Variants in PHF24 observed in about 807,000 individuals in gnomAD.
PHF24 encodes the protein PHD finger protein 24, also known as Galpha inhibitory interacting protein.
A neutral mutation model predicts 42.6 loss-of-function variants in PHF24; 25 were observed. The ratio of observed to expected loss-of-function variants is 0.59; its 90% confidence interval spans 0.43 to 0.82. The LOEUF (loss-of-function observed/expected upper bound fraction) is 0.82. Among genes scored for constraint, PHF24 ranks in the 40% least tolerant of loss-of-function variants. PHF24 has a pLI of 0.00. For missense variants in PHF24, 470 were observed against 538.1 expected (o/e 0.87, Z 1.25); for synonymous variants, 185 against 204.8 (o/e 0.90, Z 0.83).
the PHF24 span, among the ~76,000 whole-genome samples, chr9:34,674,682 C>T: frequency 6.6e-6 from 1 of 152,252 alleles, no homozygotes; most frequent in Non-Finnish European, 1.5e-5. Flanking sequence ...GGAACATGAA[C>T]AGGGAGTGCC....
the PHF24 span, among the ~76,000 whole-genome samples, chr9:34,715,587 T>C: frequency 0.05 from 7,534 of 152,132 alleles, 358 homozygotes; most frequent in African/African-American, 0.12. Context: ...GATGTTGGCT[T>C]GGTGAGCTCC....
At chr9:34,847,746 A>G in the PHF24 span, among the ~76,000 whole-genome samples, 1 of 152,028 alleles carries the variant, frequency 6.6e-6, no homozygotes, top group Non-Finnish European at 1.5e-5. Flanking sequence ...TTTGTCATAG[A>G]TAGCTCTTAT....
chr9:34,790,413 C>T, the PHF24 span, among the ~76,000 whole-genome samples: 3 of 152,140 alleles, frequency 2.0e-5, no homozygotes, highest in African/African-American at 7.2e-5. Flanking sequence ...TTCTCTGGCT[C>T]TATTTGTTAG....
At chr9:34,809,385 G>A in the PHF24 span, among the ~76,000 whole-genome samples, 1 of 152,118 alleles carries the variant, frequency 6.6e-6, no homozygotes. The surrounding 1 kb of genome is among the most constrained non-coding windows in gnomAD (Gnocchi z 4.1). Context: ...TTCGAAGCAC[G>A]TGGTCTGGTG....
the PHF24 span, among the ~76,000 whole-genome samples, chr9:34,881,672 A>C: frequency 6.6e-6 from 1 of 152,204 alleles, no homozygotes; most frequent in Non-Finnish European, 1.5e-5. Context: ...AAGAAGTTGA[A>C]TCTCTGAATA....
the PHF24 span, among the ~76,000 whole-genome samples, chr9:34,878,719 G>A: frequency 6.6e-6 from 1 of 152,224 alleles, no homozygotes; most frequent in African/African-American, 2.4e-5. Context: ...CGGCTAGAAA[G>A]CTCGAAATGG....
At chr9:34,954,433 T>A (rs1197079533), upstream of PHF24, among the ~76,000 whole-genome samples, 1 of 152,208 alleles carries the variant, frequency 6.6e-6, no homozygotes, top group African/African-American at 2.4e-5. Context: ...GGCTTTGTCC[T>A]TGTGCACTGA....
chr9:34,811,039 G>A, the PHF24 span, among the ~76,000 whole-genome samples: 1 of 152,180 alleles, frequency 6.6e-6, no homozygotes, highest in Non-Finnish European at 1.5e-5. Context: ...TAGGGTTGTT[G>A]AGCACCAGTG....
the PHF24 span, among the ~76,000 whole-genome samples, chr9:34,790,907 G>A: frequency 6.6e-6 from 1 of 152,348 alleles, no homozygotes; most frequent in Admixed American, 6.5e-5. Flanking sequence ...TAGCAAGCAG[G>A]CCAGTGTGAC....
chr9:34,804,347 TATA>T, the PHF24 span, among the ~76,000 whole-genome samples: 1 of 152,136 alleles, frequency 6.6e-6, no homozygotes. Flanking sequence ...ACATATAATA[TATA>T]AAGTTCTTAT....
intron 2 of PHF24, 44 bp downstream of exon 2, chr9:34,971,720 A>C (rs756421023): frequency 3.9e-6 from 6 of 1,556,828 alleles, no homozygotes; most frequent in Admixed American, 1.8e-5. Context: ...TTAGTGCATC[A>C]GGGAGCAGGA....
the PHF24 span, among the ~76,000 whole-genome samples, chr9:34,932,999 T>C: frequency 1.3e-5 from 2 of 150,468 alleles, no homozygotes; most frequent in African/African-American, 4.9e-5. Flanking sequence ...TTTTTTTTTT[T>C]TTTTTCAAAG....
At chr9:34,801,840 A>G in the PHF24 span, among the ~76,000 whole-genome samples, 7 of 151,274 alleles carry the variant, frequency 4.6e-5, no homozygotes, top group Non-Finnish European at 1.0e-4. Context: ...GTTCTCACTC[A>G]TAAGTGGGAG....
intron 3 of PHF24, among the ~76,000 whole-genome samples, chr9:34,975,807 ACCTG>A (rs1364614150): frequency 6.6e-6 from 1 of 151,856 alleles, no homozygotes; most frequent in African/African-American, 2.4e-5. Context: ...GGGATTCACA[ACCTG>A]CCTACTCACT....
the PHF24 span, among the ~76,000 whole-genome samples, chr9:34,717,495 A>G: frequency 0.92 from 139,798 of 151,924 alleles, 65,396 homozygotes; most frequent in South Asian, 1. Flanking sequence ...GGGGGCCCTC[A>G]GGGAGATGGG....
the PHF24 span, chr9:34,917,169 T>A: frequency 3.3e-5 from 46 of 1,375,240 alleles, no homozygotes; most frequent in East Asian, 1.0e-3. Context: ...CAGAACACCT[T>A]CCACCATGAC....
At chr9:34,743,143 T>C in the PHF24 span, among the ~76,000 whole-genome samples, 4 of 152,252 alleles carry the variant, frequency 2.6e-5, no homozygotes, top group Non-Finnish European at 4.4e-5. Flanking sequence ...AAGCATGTCC[T>C]ATAGGCTCAA....
At chr9:34,742,845 A>G in the PHF24 span, among the ~76,000 whole-genome samples, 4 of 152,244 alleles carry the variant, frequency 2.6e-5, no homozygotes, top group Non-Finnish European at 5.9e-5. Flanking sequence ...TACCTATAAT[A>G]AAGTCATGCT....
chr9:34,835,242 T>C, the PHF24 span: 1 of 1,552,278 alleles, frequency 6.4e-7, no homozygotes, highest in South Asian at 1.2e-5. Flanking sequence ...AGGGAAATGG[T>C]CTCAGATCTG....
Sources: allele counts gnomAD v4.1 joint callset (sites outside exome capture counted in the v4.1 genomes callset), GRCh38; gene constraint gnomAD v4.1.1; non-coding constraint Gnocchi (gnomAD v3.1); transcripts MANE v1.5; gene names NCBI Gene and HGNC (gene_info 2026-07-23, HGNC 2026-07-21).